GABRG1: variants seen among roughly 807,000 people sequenced by gnomAD.
GABRG1 encodes gamma-aminobutyric acid receptor subunit gamma-1.
A neutral mutation model predicts 49.8 loss-of-function variants in GABRG1; 49 were observed. The observed-to-expected ratio is 0.98, with a 90% confidence interval of 0.78 to 1.25. The LOEUF (loss-of-function observed/expected upper bound fraction) is 1.25. Among genes scored for constraint, GABRG1 ranks in the 50% most tolerant of loss-of-function variants. The probability of loss-of-function intolerance (pLI) is 0.00; values close to 1 mark genes in which losing one functional copy is unlikely to be tolerated. For synonymous variants in GABRG1, 232 were observed against 185.1 expected (o/e 1.25, Z -2.06); for missense variants, 552 against 552.3 (o/e 1.00, Z 0.01).
At chr4:46,081,303 C>G (rs1354561539) in intron 3 of GABRG1, among the ~76,000 whole-genome samples, 1 of 151,832 alleles carries the variant, frequency 6.6e-6, no homozygotes, top group African/African-American at 2.4e-5. Context: ...TTAAGACTAA[C>G]TTCTAGGTCA....
intron 3 of GABRG1, among the ~76,000 whole-genome samples, chr4:46,073,927 T>G (rs1719232900): frequency 6.6e-6 from 1 of 152,128 alleles, no homozygotes; most frequent in Non-Finnish European, 1.5e-5. Context: ...CATGGGTAAC[T>G]GAAACCACAG....
chr4:46,038,214 T>G lies in GABRG1; in HGVS notation c.*2774A>C, dbSNP rs1296262759. 1 of 151,714 alleles carries G rather than the reference T, an allele frequency of 6.6e-6. No homozygotes were observed. The highest frequency in any genetic ancestry group is 1.5e-5 in the Non-Finnish European group (1 of 67,716). 9.4% of individuals were successfully genotyped at this position (151,714 alleles called of 1,614,324 possible). On this transcript the variant is annotated 3_prime_UTR_variant, in exon 9 of 9. Transcript: ENST00000295452. ...TATTCTATGTATTTTTTACTTTTTT[T>G]TAGAACTTACTTGGGTTTACAAAAA... is the stretch of plus-strand genomic sequence containing the variant.
intron 1 of GABRG1, among the ~76,000 whole-genome samples, chr4:46,104,654 C>T (rs1490388313): frequency 6.6e-6 from 1 of 151,140 alleles, no homozygotes; most frequent in Non-Finnish European, 1.5e-5. Context: ...GTTATTTTGC[C>T]TTATGTAAAC....
chr4:46,063,167 A>G (rs1298941585), intron 5 of GABRG1, among the ~76,000 whole-genome samples: 2 of 151,932 alleles, frequency 1.3e-5, no homozygotes, highest in Non-Finnish European at 2.9e-5. Flanking sequence ...GGAAAAAACT[A>G]CTTTAAAGTT....
At chr4:46,105,275 G>T (rs1381789598) in intron 1 of GABRG1, among the ~76,000 whole-genome samples, 1 of 151,020 alleles carries the variant, frequency 6.6e-6, no homozygotes, top group Non-Finnish European at 1.5e-5. Context: ...ACTTGCGAAA[G>T]AAAATTAAAG....
At chr4:46,090,715 C>G (rs931548061) in intron 2 of GABRG1, among the ~76,000 whole-genome samples, 2 of 151,784 alleles carry the variant, frequency 1.3e-5, no homozygotes, top group African/African-American at 2.4e-5. Flanking sequence ...AATCAGATAG[C>G]CAGAATTTGA....
chr4:46,045,377 A>C (rs1191693779), intron 8 of GABRG1, among the ~76,000 whole-genome samples: 1 of 152,064 alleles, frequency 6.6e-6, no homozygotes, highest in Non-Finnish European at 1.5e-5. Flanking sequence ...GATAAAAGGA[A>C]AATCTGGAAT....
Position 46,065,399 on chromosome 4 carries a change from T to C in GABRG1, c.507A>G (p.Arg169=). ...HWITTPNRLL[R]IWNDGRVLYT... ...ACAGAACTCGTCCATCATTCCAAAT[T>C]CGAAGCAGACGATTAGGAGTTGTTA... The change falls in exon 4 of 9, where the codon CGA becomes CGG. Residue 169 remains arginine (R), a synonymous_variant. Coordinates refer to ENST00000295452, the MANE Select transcript of GABRG1 (RefSeq NM_173536.4). 6.2e-7 allele frequency: 1 copy of C among 1,613,102 alleles called. No homozygotes were observed. The highest frequency in any genetic ancestry group is 8.5e-7 in the Non-Finnish European group (1 of 1,179,274).
At position 46,062,196 on chromosome 4, in the gene GABRG1, G is replaced by A. The variant is rs1370139716; in HGVS notation, c.625+2245C>T. On this transcript the variant is annotated intron_variant, in intron 5 of 8. Coordinates refer to ENST00000295452, the MANE Select transcript of GABRG1 (RefSeq NM_173536.4). ...CCAATTTCATCCATGTCCCTACAAA[G>A]GACATGAACTCAACATTTTTATGGC... Among the ~76,000 whole-genome samples, 7 of 152,010 alleles carry A rather than the reference G, an allele frequency of 4.6e-5. No individual in the cohort carries two copies. In the East Asian group the frequency reaches 9.7e-4, roughly 21 times the overall value.
chr4:46,102,253 G>A (rs909658640), intron 1 of GABRG1, among the ~76,000 whole-genome samples: 8 of 151,728 alleles, frequency 5.3e-5, no homozygotes, highest in African/African-American at 1.9e-4. Context: ...CAGTACTAAG[G>A]ATGAGCCCTG....
chr4:46,114,056 T>G (rs562687549), intron 1 of GABRG1, among the ~76,000 whole-genome samples: 1 of 151,118 alleles, frequency 6.6e-6, no homozygotes, highest in Admixed American at 6.6e-5. Flanking sequence ...GTAAATAAAT[T>G]TTCTCTCTTT....
At chr4:46,103,106 A>C (rs1720433935) in intron 1 of GABRG1, among the ~76,000 whole-genome samples, 1 of 151,576 alleles carries the variant, frequency 6.6e-6, no homozygotes, top group Admixed American at 6.6e-5. Flanking sequence ...AGGTTATTGC[A>C]AATTTCCTGG....
chr4:46,109,981 A>G lies in GABRG1; in HGVS notation c.105-12632T>C, dbSNP rs973903526. 5.3e-5 allele frequency among the ~76,000 whole-genome samples: 8 copies of G among 151,200 alleles called. No individual in the cohort carries two copies. In the East Asian group the frequency reaches 9.8e-4, roughly 19 times the overall value. ...TTCCATGTGCAGATGAGAAAAATGT[A>G]TATTCTCTGGTTGATGGGAAGAGTG... On this transcript the variant is annotated intron_variant, in intron 1 of 8. Transcript: ENST00000295452.
chr4:46,077,992 A>C (rs1421567138), intron 3 of GABRG1, among the ~76,000 whole-genome samples: 1 of 151,634 alleles, frequency 6.6e-6, no homozygotes, highest in Non-Finnish European at 1.5e-5. Context: ...CTAATATTTA[A>C]TTTTTTCTCT....
intron 3 of GABRG1, among the ~76,000 whole-genome samples, chr4:46,077,894 T>C (rs563465334): frequency 6.6e-6 from 1 of 151,928 alleles, no homozygotes; most frequent in South Asian, 2.1e-4. Context: ...TCTAATTTCC[T>C]AATACTAGGA....
chr4:46,074,100 T>C (rs1329199600), intron 3 of GABRG1, among the ~76,000 whole-genome samples: 5 of 152,188 alleles, frequency 3.3e-5, no homozygotes, highest in South Asian at 2.1e-4. Context: ...TCATAGCCAA[T>C]AGGCAAACTT....
chr4:46,122,690 T>C (rs965743020), intron 1 of GABRG1, among the ~76,000 whole-genome samples: 2 of 152,110 alleles, frequency 1.3e-5, no homozygotes, highest in Non-Finnish European at 2.9e-5. Context: ...AAATTCACTC[T>C]AGCTTTACAC....
chr4:46,077,349 T>C (rs1218030322), intron 3 of GABRG1, among the ~76,000 whole-genome samples: 1 of 151,766 alleles, frequency 6.6e-6, no homozygotes, highest in South Asian at 2.1e-4. Context: ...GTATAACACA[T>C]AGAAAAACAT....
chr4:46,110,641 A>C (rs576183428), intron 1 of GABRG1, among the ~76,000 whole-genome samples: 1 of 151,422 alleles, frequency 6.6e-6, no homozygotes, highest in East Asian at 2.0e-4. Flanking sequence ...AGTACATCAA[A>C]AAGTTAATTC....
Sources: gnomAD v4.1 joint callset for allele counts (sites outside exome capture counted in the v4.1 genomes callset) on GRCh38, gnomAD v4.1.1 for gene constraint, MANE v1.5 for transcripts, NCBI Gene and HGNC (gene_info 2026-07-23, HGNC 2026-07-21) for gene names.